The following TBL1XR1 variants were observed in gnomAD, a reference collection of about 807,000 sequenced individuals.
The protein encoded by TBL1XR1 is F-box-like/WD repeat-containing protein TBL1XR1.
Under a neutral mutation model 66.9 loss-of-function variants are expected in TBL1XR1, and 5 were observed. The ratio of observed to expected loss-of-function variants is 0.07; its 90% CI spans 0.04 to 0.16. TBL1XR1 has a LOEUF of 0.16. TBL1XR1 is among the 10% of genes least tolerant of loss of function. The pLI, the probability that TBL1XR1 is intolerant of heterozygous loss-of-function variation, is 1.00. For synonymous variants in TBL1XR1, 210 were observed against 206.0 expected (o/e 1.02, Z -0.17); for missense variants, 238 against 623.2 (o/e 0.38, Z 6.58).
chr3:177,197,673 G>C (rs1477913175), upstream of TBL1XR1, among the ~76,000 whole-genome samples: 1 of 140,988 alleles, frequency 7.1e-6, no homozygotes, highest in African/African-American at 2.5e-5. Flanking sequence ...CGGCGGGGGA[G>C]GGGCGCCGCG....
chr3:177,194,575 T>A (rs567572115), intron 1 of TBL1XR1, among the ~76,000 whole-genome samples: 144 of 152,332 alleles, frequency 9.5e-4, no homozygotes, highest in African/African-American at 3.3e-3. Context: ...GAGATTCCTT[T>A]GTCAGCTACT....
intron 1 of TBL1XR1, among the ~76,000 whole-genome samples, chr3:177,136,500 G>C (rs528083581): frequency 5.7e-4 from 87 of 152,250 alleles, no homozygotes; most frequent in African/African-American, 1.9e-3. Context: ...GACTGGTCTT[G>C]AACTCCTGAC....
At chr3:177,075,897 T>C (rs1328524739) in intron 2 of TBL1XR1, among the ~76,000 whole-genome samples, 1 of 152,190 alleles carries the variant, frequency 6.6e-6, no homozygotes, top group Non-Finnish European at 1.5e-5. Context: ...GAAGGTGTGC[T>C]AAGGAGGGGT....
chr3:177,098,565 T>C, intron 1 of TBL1XR1, 24 bp from the exon 2 acceptor site: 1 of 981,540 alleles, frequency 1.0e-6, no homozygotes, highest in Non-Finnish European at 1.2e-6. Flanking sequence ...AAGTAAAGTA[T>C]TCAATGTGCC....
chr3:177,104,329 C>T (rs1258656427), intron 1 of TBL1XR1, among the ~76,000 whole-genome samples: 2 of 152,030 alleles, frequency 1.3e-5, no homozygotes, highest in Non-Finnish European at 2.9e-5. Flanking sequence ...ATTTGTAAAT[C>T]AGAGTTTCAA....
chr3:177,127,619 C>T (rs1359882894), intron 1 of TBL1XR1, among the ~76,000 whole-genome samples: 1 of 152,118 alleles, frequency 6.6e-6, no homozygotes, highest in Non-Finnish European at 1.5e-5. Context: ...AGATCAAGTC[C>T]TAAGTACAAG....
intron 1 of TBL1XR1, among the ~76,000 whole-genome samples, chr3:177,192,217 C>A (rs1045252416): frequency 1.3e-5 from 2 of 151,792 alleles, no homozygotes; most frequent in Admixed American, 1.3e-4. Context: ...GAAACCCCGT[C>A]TCTACTAAAA....
chr3:177,047,283 AC>A lies in TBL1XR1; in HGVS notation c.864+16del. The stretch of plus-strand genomic sequence containing the variant: ...TCTGTAATACATTTGCCTTTACAGA[AC>A]TTAATGAGCTTTTACCTTGTCTACT... On this transcript the variant is annotated intron_variant, in intron 9 of 15. Coordinates refer to ENST00000457928, the MANE Select transcript of TBL1XR1 (RefSeq NM_024665.7). 3.2e-6 allele frequency: 5 copies of A among 1,540,318 alleles called. No individual in the cohort carries two copies. The highest frequency in any genetic ancestry group is 4.4e-6 in the Non-Finnish European group (5 of 1,141,750).
In TBL1XR1 at chr3:177,148,212, G is replaced by A. The variant is rs184258960; in HGVS notation, c.-122+48909C>T. Among the ~76,000 whole-genome samples the A allele has an allele frequency of 2.0e-5, 3 of 152,308 alleles. No individual in the cohort carries two copies. The East Asian group carries it at 5.8e-4, about 29-fold the overall frequency. On this transcript the variant is annotated intron_variant, in intron 1 of 15. Coordinates refer to ENST00000457928, the MANE Select transcript of TBL1XR1 (RefSeq NM_024665.7). Reference sequence around the variant, plus strand: ...ATTTTTTAGATGACAGCTAGTTAAGGATGTTGAAAGTTTAAGTACAAAAGG... The same window carrying A: ...ATTTTTTAGATGACAGCTAGTTAAGAATGTTGAAAGTTTAAGTACAAAAGG...
chr3:177,183,672 G>A (rs573732011), intron 1 of TBL1XR1, among the ~76,000 whole-genome samples: 7 of 152,006 alleles, frequency 4.6e-5, no homozygotes, highest in African/African-American at 1.7e-4. Flanking sequence ...TACACCTTGC[G>A]AATTTTTTCC....
chr3:177,078,575 G>A (rs1446183879), intron 2 of TBL1XR1: 1 of 140,140 alleles, frequency 7.1e-6, no homozygotes, highest in Non-Finnish European at 1.5e-5. Flanking sequence ...GCGAAAGAGT[G>A]AGACCCCCAT....
intron 1 of TBL1XR1, among the ~76,000 whole-genome samples, chr3:177,146,073 G>A (rs570338792): frequency 6.6e-6 from 1 of 152,320 alleles, no homozygotes; most frequent in Non-Finnish European, 1.5e-5. Context: ...TTTAGAGGAT[G>A]ACTGTGTTTT....
intron 3 of TBL1XR1, among the ~76,000 whole-genome samples, chr3:177,062,598 T>G (rs1305675394): frequency 6.6e-6 from 1 of 152,208 alleles, no homozygotes; most frequent in East Asian, 1.9e-4. Context: ...AGTTACAATT[T>G]TTACCAAGGG....
chr3:177,180,455 T>A (rs1020810050), intron 1 of TBL1XR1, among the ~76,000 whole-genome samples: 2 of 149,500 alleles, frequency 1.3e-5, no homozygotes, highest in African/African-American at 4.9e-5. Flanking sequence ...TAAATATTAC[T>A]CTCCTTGGAG....
intron 1 of TBL1XR1, among the ~76,000 whole-genome samples, chr3:177,102,020 T>A (rs1415974383): frequency 6.6e-6 from 1 of 152,086 alleles, no homozygotes; most frequent in Non-Finnish European, 1.5e-5. Flanking sequence ...TAAGATATGG[T>A]ACACATATAA....
intron 1 of TBL1XR1, among the ~76,000 whole-genome samples, chr3:177,137,400 G>A (rs1339734214): frequency 2.6e-5 from 4 of 152,368 alleles, no homozygotes; most frequent in Non-Finnish European, 5.9e-5. Context: ...GCTGAGGCAG[G>A]AAGATCAACT....
chr3:177,172,353 T>C (rs1261678900), intron 1 of TBL1XR1, among the ~76,000 whole-genome samples: 1 of 145,078 alleles, frequency 6.9e-6, no homozygotes, highest in African/African-American at 2.5e-5. Flanking sequence ...AATGAGTGAA[T>C]AAATAAGTAA....
At chr3:177,053,468 A>G (rs1160541335) in intron 4 of TBL1XR1, among the ~76,000 whole-genome samples, 1 of 152,218 alleles carries the variant, frequency 6.6e-6, no homozygotes, top group Non-Finnish European at 1.5e-5. Flanking sequence ...GAGAATTTAC[A>G]ATTTTCAGGC....
chr3:177,131,012 A>T (rs377214370), intron 1 of TBL1XR1, among the ~76,000 whole-genome samples: 6 of 152,324 alleles, frequency 3.9e-5, no homozygotes, highest in African/African-American at 1.2e-4. Flanking sequence ...AAAAAATTTT[A>T]AAACGTACTG....
Sources: gnomAD v4.1 joint callset for allele counts (sites outside exome capture counted in the v4.1 genomes callset) on GRCh38, gnomAD v4.1.1 for gene constraint, MANE v1.5 for transcripts, NCBI Gene and HGNC (gene_info 2026-07-23, HGNC 2026-07-21) for gene names.